Variants in STS observed in about 807,000 individuals in gnomAD.
STS encodes the protein steryl-sulfatase.
A neutral mutation model predicts 26.8 loss-of-function variants in STS; 7 were observed. That is an observed-to-expected ratio of 0.26 (90% CI 0.15 to 0.49). STS has a LOEUF of 0.49. STS is among the 20% of genes least tolerant of loss of function. The probability of loss-of-function intolerance (pLI) is 0.98; values close to 1 mark genes in which losing one functional copy is unlikely to be tolerated. For synonymous variants in STS, 199 were observed against 189.4 expected, an observed-to-expected ratio of 1.05 and a Z score of -0.42; for missense variants, 434 against 465.6, an observed-to-expected ratio of 0.93 and a Z score of 0.63.
rs1932910059 is a variant in STS, at chrX:7,147,959, C to T, written c.-258C>T. 3 of 688,858 alleles carry T rather than the reference C, an allele frequency of 4.4e-6. No individual in the cohort carries two copies. The highest frequency in any genetic ancestry group is 6.5e-6 in the Non-Finnish European group (3 of 460,306). The allele number at this position is 688,858 out of a possible 1,213,427, so 56.8% of individuals were successfully genotyped here. A position where few individuals can be genotyped will look rare whatever the true frequency, so the allele number is the denominator to read the frequency against. On this transcript the variant is annotated 5_prime_UTR_variant, in exon 1 of 11. Transcript: ENST00000674429. ...GCGTCCCTGCATGAACACCGCCCCG[C>T]CGCGGCCCCCAGGCCGTGACGTACC... is the stretch of plus-strand genomic sequence containing the variant.
chrX:7,205,715 C>T (rs1237189580), intron 2 of STS, among the ~76,000 whole-genome samples: 1 of 101,426 alleles, frequency 9.9e-6, no homozygotes, highest in East Asian at 3.0e-4. Flanking sequence ...TGCAGTGATG[C>T]GATCATAGCA....
chrX:7,303,772 T>C (rs923742009), intron 7 of STS, among the ~76,000 whole-genome samples: 1 of 111,873 alleles, frequency 8.9e-6, no homozygotes, highest in African/African-American at 3.2e-5. Flanking sequence ...AGCTTCCTAA[T>C]CAGAAAGTCC....
chrX:7,229,866 A>G (rs1921980560), intron 2 of STS, among the ~76,000 whole-genome samples: 2 of 106,178 alleles, frequency 1.9e-5, no homozygotes, highest in African/African-American at 6.9e-5. Context: ...TTTTTTCTGC[A>G]TCTTCAGCCT....
chrX:7,257,112 G>A (rs1200966639), intron 3 of STS, 130 bp from the exon 4 acceptor site: 1 of 924,579 alleles, frequency 1.1e-6, no homozygotes, highest in East Asian at 3.3e-5. Flanking sequence ...AATTAGCCAG[G>A]CGTGGTAGTG....
chrX:7,217,448 G>A (rs1467226490), intron 2 of STS, among the ~76,000 whole-genome samples: 1 of 111,704 alleles, frequency 9.0e-6, no homozygotes, highest in African/African-American at 3.3e-5. Context: ...TTAGCTTTTA[G>A]AGGCCTCCAC....
intron 8 of STS, among the ~76,000 whole-genome samples, chrX:7,318,779 C>T (rs1926833181): frequency 1.8e-5 from 2 of 110,872 alleles, no homozygotes; most frequent in African/African-American, 3.3e-5. Context: ...CTAGGGGCTA[C>T]AGGCACAGCT....
intron 2 of STS, among the ~76,000 whole-genome samples, chrX:7,194,195 AAAGGCTG>A (rs1355589525): frequency 1.8e-5 from 2 of 111,425 alleles, no homozygotes; most frequent in Admixed American, 9.6e-5. Context: ...AGAGAATGGG[AAAGGCTG>A]ATTGGCACCA....
intron 1 of STS, among the ~76,000 whole-genome samples, chrX:7,161,270 G>T (rs1475908947): frequency 9.0e-6 from 1 of 111,457 alleles, no homozygotes; most frequent in Non-Finnish European, 1.9e-5. Context: ...TCCGGCTGAA[G>T]CCAAATGTTT....
Position 7,240,493 on chromosome X carries a change from ATGTGTGTGTGTGTGTGTGTG to A in STS, c.-4-12681_-4-12662del, listed in dbSNP as rs374194610. 9.0e-3 allele frequency among the ~76,000 whole-genome samples: 652 copies of A among 72,666 alleles called. 3 individuals are homozygous for A. Among genetic ancestry groups the A allele is most frequent in the South Asian group, 0.022 (20 of 915 alleles). The allele number at this position is 72,666 out of a possible 115,157, so 63.1% of individuals were successfully genotyped here. A position where few individuals can be genotyped will look rare whatever the true frequency, so the allele number is the denominator to read the frequency against. ...CACACACACACACACACAGATATGT[ATGTGTGTGTGTGTGTGTGTG>A]TGTGTGTGTGTGTGTGTGTGTATAT... On this transcript the variant is annotated intron_variant, in intron 2 of 10. Coordinates refer to ENST00000674429, the MANE Select transcript of STS (RefSeq NM_001320752.2).
chrX:7,264,893 G>A (rs1448201529), intron 6 of STS, among the ~76,000 whole-genome samples: 1 of 111,215 alleles, frequency 9.0e-6, no homozygotes, highest in African/African-American at 3.3e-5. Flanking sequence ...AACTTTATAA[G>A]ATACATCATT....
At chrX:7,285,163 A>G (rs1925070923) in intron 7 of STS, among the ~76,000 whole-genome samples, 1 of 111,313 alleles carries the variant, frequency 9.0e-6, no homozygotes, top group Non-Finnish European at 1.9e-5. Flanking sequence ...TACAAGAAGT[A>G]TAGAAGATTA....
chrX:7,320,931 C>T (rs1384075552), intron 8 of STS, among the ~76,000 whole-genome samples: 1 of 111,624 alleles, frequency 9.0e-6, no homozygotes, highest in Non-Finnish European at 1.9e-5. Context: ...TGAATATCTG[C>T]AAAGGTCAGA....
At chrX:7,289,230 G>A (rs1183656310) in intron 7 of STS, among the ~76,000 whole-genome samples, 1 of 111,415 alleles carries the variant, frequency 9.0e-6, no homozygotes, top group Non-Finnish European at 1.9e-5. Context: ...TTTAGGAGGA[G>A]GTGAGGGTCA....
intron 9 of STS, among the ~76,000 whole-genome samples, chrX:7,332,658 C>T (rs1254543530): frequency 1.8e-5 from 2 of 111,105 alleles, no homozygotes; most frequent in African/African-American, 6.6e-5. Flanking sequence ...CTTCTTCCTT[C>T]CTTTCAGCTT....
intron 9 of STS, among the ~76,000 whole-genome samples, chrX:7,331,871 G>A (rs1927764083): frequency 1.2e-5 from 1 of 82,920 alleles, no homozygotes. Context: ...GAAGGACCAC[G>A]TTAGGTGTGG....
At position 7,251,157 on chromosome X, in the gene STS, A is replaced by T. The variant is rs1403766037; in HGVS notation, c.-4-2039A>T. On this transcript the variant is annotated intron_variant, in intron 2 of 10. Coordinates refer to ENST00000674429, the MANE Select transcript of STS (RefSeq NM_001320752.2). ...GCTGGCAAAGCCCCTCCCCATATTG[A>T]TGACTAAACCCAGGCCATTTCCCAT... Among the ~76,000 whole-genome samples the T allele has an allele frequency of 4.5e-5, 5 of 111,675 alleles. No homozygotes were observed. In the Admixed American group the frequency reaches 4.7e-4, roughly 11 times the overall value.
intron 9 of STS, among the ~76,000 whole-genome samples, chrX:7,332,056 C>T (rs1348347601): frequency 9.0e-6 from 1 of 110,890 alleles, no homozygotes; most frequent in Non-Finnish European, 1.9e-5. Flanking sequence ...AGTTAAATCC[C>T]CCTTTCCTAT....
chrX:7,350,047 A>G lies in STS; in HGVS notation c.1523A>G (p.Asn508Ser), dbSNP rs763112975. 2 of 1,211,538 alleles carry G rather than the reference A, an allele frequency of 1.7e-6. No homozygotes were observed. Among genetic ancestry groups the G allele is most frequent in the South Asian group, 3.5e-5 (2 of 56,968 alleles). ...FDISKDPRER[N>S]PLTPASEPRF... is the part of the protein sequence containing the mutation. ...ATTTCCAAAGATCCCAGAGAGAGAA[A>G]CCCACTAACTCCAGCATCCGAGCCC... The change falls in exon 11 of 11, where the codon AAC (asparagine) becomes AGC (serine). Residue 508 changes from asparagine (N) to serine (S), a missense_variant. Physicochemically the swap from Asn to Ser is conservative, Grantham distance 46. Around this residue, in one of 2 missense-constraint regions of STS, gnomAD observed 205 missense variants for 177.3 expected, o/e 1.16. Coordinates refer to ENST00000674429, the MANE Select transcript of STS (RefSeq NM_001320752.2).
intron 2 of STS, among the ~76,000 whole-genome samples, chrX:7,232,953 T>C (rs1329404377): frequency 9.0e-6 from 1 of 111,342 alleles, no homozygotes; most frequent in African/African-American, 3.3e-5. Flanking sequence ...CCTGTCGCCA[T>C]GCAAAGAAGG....
Sources: allele counts gnomAD v4.1 joint callset (sites outside exome capture counted in the v4.1 genomes callset), GRCh38; gene constraint gnomAD v4.1.1; regional missense constraint gnomAD v4.1.1; transcripts MANE v1.5; gene names NCBI Gene and HGNC (gene_info 2026-07-23, HGNC 2026-07-21).